Variants in ESF1 observed in about 807,000 individuals in gnomAD.
ESF1 encodes ESF1 nucleolar pre-rRNA processing protein.
Under a neutral mutation model 92.0 loss-of-function variants are expected in ESF1, and 58 were observed. That is an observed-to-expected ratio of 0.63 (90% CI 0.51 to 0.78). The LOEUF (loss-of-function observed/expected upper bound fraction) is 0.78. Ranked by LOEUF, ESF1 falls within the 30% of genes least tolerant of loss-of-function variation. The probability of loss-of-function intolerance (pLI) is 0.00; values close to 1 mark genes in which losing one functional copy is unlikely to be tolerated. For missense variants in ESF1, 922 were observed against 989.1 expected (o/e 0.93, Z 0.91); for synonymous variants, 321 against 313.7 (o/e 1.02, Z -0.24).
chr20:13,776,335 T>G, intron 2 of ESF1, 65 bp from the exon 3 acceptor site: 3 of 1,432,864 alleles, frequency 2.1e-6, no homozygotes, highest in Non-Finnish European at 2.8e-6. Context: ...TGAATCCAAA[T>G]TATCTTGACA....
intron 10 of ESF1, 151 bp from the exon 11 acceptor site, chr20:13,728,616 G>T (rs997983730): frequency 9.4e-6 from 6 of 641,318 alleles, no homozygotes; most frequent in Admixed American, 6.3e-5. Context: ...CCTGTAATCT[G>T]AGCACTTTGG....
intron 9 of ESF1, among the ~76,000 whole-genome samples, chr20:13,747,305 A>C (rs909355165): frequency 1.3e-5 from 2 of 151,776 alleles, no homozygotes; most frequent in Non-Finnish European, 2.9e-5. Context: ...TTATGTCTGT[A>C]ATCCTAGCAT....
intron 9 of ESF1, among the ~76,000 whole-genome samples, chr20:13,748,761 G>C (rs1978453797): frequency 6.6e-6 from 1 of 150,456 alleles, no homozygotes; most frequent in Non-Finnish European, 1.5e-5. Context: ...AATTTTTTTT[G>C]TATTTTTTAG....
At chr20:13,773,923 G>C (rs375960557) in intron 4 of ESF1, among the ~76,000 whole-genome samples, 1 of 151,954 alleles carries the variant, frequency 6.6e-6, no homozygotes, top group African/African-American at 2.4e-5. Context: ...GTGAAAACCC[G>C]TCTCTACTAA....
At chr20:13,751,271 G>C (rs1360571101) in intron 9 of ESF1, among the ~76,000 whole-genome samples, 2 of 152,172 alleles carry the variant, frequency 1.3e-5, no homozygotes, top group Non-Finnish European at 2.9e-5. Flanking sequence ...ACCACAAATA[G>C]AATAGCGAAA....
intron 11 of ESF1, among the ~76,000 whole-genome samples, chr20:13,722,716 G>A (rs1016304712): frequency 6.6e-6 from 1 of 151,872 alleles, no homozygotes; most frequent in East Asian, 1.9e-4. Flanking sequence ...GCCAGGCATG[G>A]TGGTGTATGC....
intron 10 of ESF1, among the ~76,000 whole-genome samples, chr20:13,732,242 C>A (rs1249299211): frequency 6.6e-6 from 1 of 152,150 alleles, no homozygotes; most frequent in African/African-American, 2.4e-5. Context: ...CAGCCGGTGT[C>A]CACTGGTTAG....
At chr20:13,748,477 C>T (rs1228117767) in intron 9 of ESF1, among the ~76,000 whole-genome samples, 4 of 80,320 alleles carry the variant, frequency 5.0e-5, no homozygotes, top group African/African-American at 2.0e-4. Flanking sequence ...CACATATATA[C>T]ACATATACAC....
intron 8 of ESF1, among the ~76,000 whole-genome samples, chr20:13,764,552 C>G (rs1005683653): frequency 1.3e-5 from 2 of 152,178 alleles, no homozygotes; most frequent in African/African-American, 4.8e-5. Flanking sequence ...AACTAATAGT[C>G]TACTGTGCAG....
At chr20:13,723,314 A>C (rs1208052364) in intron 11 of ESF1, among the ~76,000 whole-genome samples, 1 of 152,052 alleles carries the variant, frequency 6.6e-6, no homozygotes. Context: ...CAGTCTGTTA[A>C]GGATAATCTC....
rs145164080 is a variant in ESF1, at chr20:13,768,816, G to T, written c.1518+1091C>A. 1.2e-4 allele frequency among the ~76,000 whole-genome samples: 18 copies of T among 145,600 alleles called. No individual in the cohort carries two copies. In the East Asian group the frequency reaches 3.7e-3, roughly 30 times the overall value. On this transcript the variant is annotated intron_variant, in intron 7 of 13. Transcript: ENST00000617257. Reference sequence around the variant, plus strand: ...GGAGGCTGTGGCAGAAGAATCACTTGAACCCAGAAGGCAGAGGTTGCAGTG... The same window carrying T: ...GGAGGCTGTGGCAGAAGAATCACTTTAACCCAGAAGGCAGAGGTTGCAGTG...
At chr20:13,727,301 C>A (rs745590999) in intron 11 of ESF1, among the ~76,000 whole-genome samples, 9 of 152,186 alleles carry the variant, frequency 5.9e-5, no homozygotes, top group Admixed American at 1.3e-4. Flanking sequence ...TTCCACTTCT[C>A]TGTCCAATTC....
At chr20:13,748,716 A>G (rs1393094848) in intron 9 of ESF1, among the ~76,000 whole-genome samples, 1 of 150,004 alleles carries the variant, frequency 6.7e-6, no homozygotes, top group Non-Finnish European at 1.5e-5. Flanking sequence ...CCTCCTGAGT[A>G]GCTGGGACTA....
chr20:13,741,031 C>T (rs559544727), intron 9 of ESF1, among the ~76,000 whole-genome samples: 34 of 152,212 alleles, frequency 2.2e-4, no homozygotes, highest in African/African-American at 7.7e-4. Context: ...CAGGAATCAT[C>T]CCACCAGGAA....
At chr20:13,728,690 C>A (rs1788682864) in intron 10 of ESF1, among the ~76,000 whole-genome samples, 1 of 151,794 alleles carries the variant, frequency 6.6e-6, no homozygotes, top group Non-Finnish European at 1.5e-5. Flanking sequence ...CACAGTGAAA[C>A]CCCATTTCTT....
chr20:13,723,782 C>T (rs1404253252), intron 11 of ESF1, among the ~76,000 whole-genome samples: 3 of 152,136 alleles, frequency 2.0e-5, no homozygotes, highest in African/African-American at 7.2e-5. Flanking sequence ...AACTACAGAA[C>T]TTGAACTGTA....
chr20:13,724,616 A>C (rs1253374128), intron 11 of ESF1, among the ~76,000 whole-genome samples: 2 of 152,220 alleles, frequency 1.3e-5, no homozygotes, highest in Non-Finnish European at 2.9e-5. Flanking sequence ...GAATTGAGTA[A>C]AAACTTCTCA....
At chr20:13,728,308 A>G in intron 11 of ESF1, 70 bp downstream of exon 11, 1 of 1,175,942 alleles carries the variant, frequency 8.5e-7, no homozygotes, top group Non-Finnish European at 1.2e-6. Flanking sequence ...TGATTAGTTT[A>G]TATTGCTTCC....
chr20:13,752,731 G>T (rs1413622022), intron 9 of ESF1, among the ~76,000 whole-genome samples: 2 of 152,180 alleles, frequency 1.3e-5, no homozygotes, highest in Admixed American at 1.3e-4. Flanking sequence ...CTACTCAGTG[G>T]AACAACTGAA....
Sources: allele counts gnomAD v4.1 joint callset (sites outside exome capture counted in the v4.1 genomes callset), GRCh38; gene constraint gnomAD v4.1.1; transcripts MANE v1.5; gene names NCBI Gene and HGNC (gene_info 2026-07-23, HGNC 2026-07-21).